Variants in PTPRD observed in about 807,000 individuals in gnomAD.
PTPRD encodes receptor-type tyrosine-protein phosphatase delta.
In PTPRD, 34 loss-of-function variants were observed where a neutral mutation model predicts 214.5. The observed-to-expected ratio is 0.16, with a 90% CI of 0.12 to 0.21. The LOEUF (loss-of-function observed/expected upper bound fraction) is 0.21, where lower values mean the gene tolerates loss of function less well. Ranked by LOEUF, PTPRD falls within the 10% of genes least tolerant of loss-of-function variation. The pLI is 1.00. For synonymous variants in PTPRD, 1,128 were observed against 845.7 expected (o/e 1.33, Z -5.79); for missense variants, 2,545 against 2,398.7 (o/e 1.06, Z -1.27).
intron 2 of PTPRD, among the ~76,000 whole-genome samples, chr9:10,363,347 T>C (rs1237861170): frequency 1.3e-5 from 2 of 152,170 alleles, no homozygotes; most frequent in East Asian, 1.9e-4. Flanking sequence ...TCAAAATCAC[T>C]TACAAGTTAT....
At chr9:10,415,134 T>C (rs899128805) in intron 2 of PTPRD, among the ~76,000 whole-genome samples, 11 of 151,756 alleles carry the variant, frequency 7.2e-5, no homozygotes, top group Admixed American at 2.0e-4. Context: ...ATAGCCTAAA[T>C]ACACCAAATA....
chr9:10,313,724 G>A (rs966309669), intron 3 of PTPRD, among the ~76,000 whole-genome samples: 1 of 151,898 alleles, frequency 6.6e-6, no homozygotes, highest in Non-Finnish European at 1.5e-5. Flanking sequence ...TGCTTCCGAT[G>A]TGTTTTTACT....
intron 4 of PTPRD, among the ~76,000 whole-genome samples, chr9:9,947,576 TATATATATA>T (rs1200855370): frequency 4.1e-4 from 19 of 46,614 alleles, no homozygotes; most frequent in African/African-American, 2.5e-3. Context: ...ATATATATAT[TATATATATA>T]TTATATATAT....
intron 7 of PTPRD, 145 bp from the exon 8 acceptor site, chr9:9,574,926 A>G (rs532123864): frequency 1.6e-4 from 24 of 152,262 alleles, no homozygotes; most frequent in Non-Finnish European, 2.9e-5. Flanking sequence ...ATTTTTGACT[A>G]CAGTATTTGT....
chr9:10,025,903 T>A (rs2096914297), intron 4 of PTPRD, among the ~76,000 whole-genome samples: 1 of 151,956 alleles, frequency 6.6e-6, no homozygotes, highest in Non-Finnish European at 1.5e-5. Flanking sequence ...ATATAAAGGG[T>A]AAGAAAAGAT....
intron 6 of PTPRD, among the ~76,000 whole-genome samples, chr9:9,756,179 C>T (rs1401686995): frequency 6.6e-6 from 1 of 152,024 alleles, no homozygotes; most frequent in Non-Finnish European, 1.5e-5. Context: ...TTCTGACGAA[C>T]GACAGAGATG....
chr9:10,370,844 G>A (rs566026163), intron 2 of PTPRD, among the ~76,000 whole-genome samples: 54 of 152,032 alleles, frequency 3.6e-4, no homozygotes, highest in East Asian at 3.3e-3. Flanking sequence ...GATCACAGAT[G>A]CAGACATATA....
At chr9:9,364,898 C>T (rs1230263315) in intron 9 of PTPRD, among the ~76,000 whole-genome samples, 2 of 151,316 alleles carry the variant, frequency 1.3e-5, no homozygotes, top group African/African-American at 4.8e-5. Context: ...TTTCAATAAT[C>T]CAGGCAAAAC....
rs775819318 is a variant in PTPRD, at chr9:9,975,945, G to A, written c.-471-37335C>T. On this transcript the variant is annotated intron_variant, in intron 4 of 45. Coordinates refer to ENST00000381196, the MANE Select transcript of PTPRD (RefSeq NM_002839.4). ...GTAAAGTTAGTGCTACTAACGTTAAGTGAACTAGACCTGAAAAGCAGTAGA... is the reference window on the plus strand; with the variant it reads ...GTAAAGTTAGTGCTACTAACGTTAAATGAACTAGACCTGAAAAGCAGTAGA... Among the ~76,000 whole-genome samples the A allele has an allele frequency of 3.9e-5, 6 of 152,180 alleles. 1 individual carries two copies. Among genetic ancestry groups the A allele is most frequent in the African/African-American group, 7.2e-5 (3 of 41,432 alleles).
At chr9:8,893,421 G>A (rs141681551) in intron 11 of PTPRD, among the ~76,000 whole-genome samples, 8 of 152,144 alleles carry the variant, frequency 5.3e-5, no homozygotes, top group East Asian at 3.9e-4. Context: ...AACAGAAAGC[G>A]AAGTGACCAA....
At chr9:9,994,753 T>C (rs2096065411) in intron 4 of PTPRD, among the ~76,000 whole-genome samples, 2 of 152,194 alleles carry the variant, frequency 1.3e-5, no homozygotes. Context: ...CTAAAATATT[T>C]ATCAATTGTA....
chr9:9,944,879 G>C (rs189348996), intron 4 of PTPRD, among the ~76,000 whole-genome samples: 8 of 152,170 alleles, frequency 5.3e-5, no homozygotes, highest in Admixed American at 5.2e-4. Flanking sequence ...AGAAGGTCCA[G>C]TTTGGCCAGA....
intron 2 of PTPRD, among the ~76,000 whole-genome samples, chr9:10,384,335 T>C (rs576100855): frequency 1.4e-4 from 22 of 151,750 alleles, no homozygotes; most frequent in Admixed American, 1.3e-3. Flanking sequence ...AAAATAAAAA[T>C]ATTTTAAAAT....
chr9:9,165,250 C>CT (rs981446394), intron 10 of PTPRD, among the ~76,000 whole-genome samples: 8 of 152,052 alleles, frequency 5.3e-5, no homozygotes, highest in African/African-American at 1.9e-4. Context: ...ACATTAAGGT[C>CT]TTTTTGTTGT....
intron 2 of PTPRD, among the ~76,000 whole-genome samples, chr9:10,513,399 T>C (rs1263831843): frequency 2.0e-5 from 3 of 152,056 alleles, no homozygotes; most frequent in Non-Finnish European, 4.4e-5. Context: ...GTTAAGAGTG[T>C]TTACTATGGA....
At chr9:8,389,959 A>G (rs1449153644) in intron 36 of PTPRD, among the ~76,000 whole-genome samples, 1 of 152,208 alleles carries the variant, frequency 6.6e-6, no homozygotes, top group Non-Finnish European at 1.5e-5. Flanking sequence ...CAAAGAAGTT[A>G]AAGAAACTTG....
chr9:9,485,683 C>T (rs1045872688), intron 8 of PTPRD, among the ~76,000 whole-genome samples: 1 of 152,094 alleles, frequency 6.6e-6, no homozygotes, highest in Admixed American at 6.5e-5. Flanking sequence ...TTTCTTCTTT[C>T]CTCTTCTAAA....
intron 8 of PTPRD, among the ~76,000 whole-genome samples, chr9:9,524,679 A>C (rs933919485): frequency 6.6e-6 from 1 of 152,118 alleles, no homozygotes; most frequent in African/African-American, 2.4e-5. Flanking sequence ...ACGTATAGTC[A>C]TTTTGTCTTT....
chr9:9,877,413 G>A (rs778935107), intron 5 of PTPRD, among the ~76,000 whole-genome samples: 2 of 150,004 alleles, frequency 1.3e-5, no homozygotes, highest in African/African-American at 2.5e-5. Flanking sequence ...AGTCCAAGAG[G>A]AGAAACTTTA....
Sources: allele counts gnomAD v4.1 joint callset (sites outside exome capture counted in the v4.1 genomes callset), GRCh38; gene constraint gnomAD v4.1.1; transcripts MANE v1.5; gene names NCBI Gene and HGNC (gene_info 2026-07-23, HGNC 2026-07-21).